Variants in ONECUT2 observed in about 807,000 individuals in gnomAD.
ONECUT2 encodes the protein one cut domain family member 2.
In ONECUT2, 10 loss-of-function variants were observed where a neutral mutation model predicts 27.9. The observed-to-expected ratio is 0.36, with a 90% CI of 0.22 to 0.61. ONECUT2 has a LOEUF of 0.61. Ranked by LOEUF, ONECUT2 falls within the 20% of genes least tolerant of loss-of-function variation. ONECUT2 has a pLI of 0.73. For missense variants in ONECUT2, 686 were observed against 721.0 expected (o/e 0.95, Z 0.56); for synonymous variants, 334 against 315.1 (o/e 1.06, Z -0.64).
intron 1 of ONECUT2, among the ~76,000 whole-genome samples, chr18:57,439,357 G>A (rs1463672351): frequency 6.6e-6 from 1 of 152,230 alleles, no homozygotes; most frequent in Non-Finnish European, 1.5e-5. Context: ...GCCTCCTCCA[G>A]CGAGTGGAAA....
In ONECUT2 at chr18:57,484,873, G is replaced by C. The variant is rs2050431289; in HGVS notation, c.*8150G>C. 1 of 152,198 alleles carries C rather than the reference G, an allele frequency of 6.6e-6. No individual in the cohort carries two copies. Among genetic ancestry groups the C allele is most frequent in the African/African-American group, 2.4e-5 (1 of 41,442 alleles). 9.4% of individuals were successfully genotyped at this position (152,198 alleles called of 1,614,324 possible). A position where few individuals can be genotyped will look rare whatever the true frequency, so the allele number is the denominator to read the frequency against. On this transcript the variant is annotated 3_prime_UTR_variant, in exon 2 of 2. Coordinates refer to ENST00000491143, the MANE Select transcript of ONECUT2 (RefSeq NM_004852.3). ...GAGAGCGGTCCCACATTGACAAATA[G>C]GATGGTGGCAATCCTTTAGCAATGA...
intron 1 of ONECUT2, among the ~76,000 whole-genome samples, chr18:57,463,287 T>C (rs1226530193): frequency 6.6e-6 from 1 of 152,220 alleles, no homozygotes; most frequent in Non-Finnish European, 1.5e-5. Context: ...CCTTTTCCAC[T>C]GGTCTGGAGT....
intron 1 of ONECUT2, among the ~76,000 whole-genome samples, chr18:57,465,827 T>G (rs1161443107): frequency 6.6e-6 from 1 of 152,242 alleles, no homozygotes; most frequent in Non-Finnish European, 1.5e-5. Flanking sequence ...AGCCCTATAC[T>G]AAATCGCCAG....
intron 1 of ONECUT2, among the ~76,000 whole-genome samples, chr18:57,476,151 A>G (rs1264937096): frequency 6.6e-6 from 1 of 152,192 alleles, no homozygotes; most frequent in Non-Finnish European, 1.5e-5. Flanking sequence ...TTTCAAGGAT[A>G]TGCTAGAGCA....
chr18:57,460,953 G>T (rs1188641273), intron 1 of ONECUT2, among the ~76,000 whole-genome samples: 2 of 152,028 alleles, frequency 1.3e-5, no homozygotes, highest in Non-Finnish European at 2.9e-5. Context: ...AGCCTCCCTG[G>T]CATTATGGCG....
At chr18:57,467,898 C>T (rs74595329) in intron 1 of ONECUT2, among the ~76,000 whole-genome samples, 1 of 152,330 alleles carries the variant, frequency 6.6e-6, no homozygotes, top group East Asian at 1.9e-4. Flanking sequence ...ATGGCCCCTC[C>T]TGCCTTCTTG....
At position 57,435,597 on chromosome 18, in the gene ONECUT2, C is replaced by G. The variant is rs2050133619; in HGVS notation, c.-120C>G. The G allele has an allele frequency of 1.2e-6, 1 of 863,174 alleles. No homozygotes were observed. Among genetic ancestry groups the G allele is most frequent in the Non-Finnish European group, 1.4e-6 (1 of 719,442 alleles). 53.5% of individuals were successfully genotyped at this position (863,174 alleles called of 1,614,324 possible). ...CCCGGGGCGCACACCCGCACGCGCA[C>G]TCCTCTCCACTCACTCCCGCGCCCG... On this transcript the variant is annotated 5_prime_UTR_variant, in exon 1 of 2. Coordinates refer to ENST00000491143, the MANE Select transcript of ONECUT2 (RefSeq NM_004852.3).
At chr18:57,467,427 G>A (rs185165051) in intron 1 of ONECUT2, among the ~76,000 whole-genome samples, 220 of 152,106 alleles carry the variant, frequency 1.4e-3, no homozygotes, top group Non-Finnish European at 2.5e-3. Flanking sequence ...GCGCAATGGC[G>A]TGATCTTGGC....
Position 57,482,455 on chromosome 18 carries a change from C to T in ONECUT2, c.*5732C>T, listed in dbSNP as rs947261201. 6.6e-6 allele frequency: 1 copy of T among 152,188 alleles called. No individual in the cohort carries two copies. The highest frequency in any genetic ancestry group is 2.4e-5 in the African/African-American group (1 of 41,448). The allele number at this position is 152,188 out of a possible 1,614,324, so 9.4% of individuals were successfully genotyped here. On this transcript the variant is annotated 3_prime_UTR_variant, in exon 2 of 2. Coordinates refer to ENST00000491143, the MANE Select transcript of ONECUT2 (RefSeq NM_004852.3). ...CTCTGACAGCCTGAAGCAGTTATTG[C>T]TAGAGCCCAAGCTTTCCTTGGAGGT...
intron 1 of ONECUT2, among the ~76,000 whole-genome samples, chr18:57,460,676 T>C (rs2050285498): frequency 1.3e-5 from 2 of 150,594 alleles, no homozygotes; most frequent in Non-Finnish European, 2.9e-5. Flanking sequence ...CAGAGTTCTA[T>C]TCATTCAAAT....
rs1408000948 is a variant in ONECUT2, at chr18:57,436,882, G to T, written c.1166G>T (p.Arg389Leu). 1 of 1,613,382 alleles carries T rather than the reference G, an allele frequency of 6.2e-7. No homozygotes were observed. Among genetic ancestry groups the T allele is most frequent in the Non-Finnish European group, 8.5e-7 (1 of 1,179,938 alleles). The stretch of plus-strand genomic sequence containing the variant: ...CTCAAATCTGGCAGGGAGACCTTCC[G>T]CAGGATGTGGAAGTGGCTTCAGGAG... Reference protein sequence around the residue: ...SKLKSGRETFRRMWKWLQEPE... With the variant: ...SKLKSGRETFLRMWKWLQEPE... The change falls in exon 1 of 2, where the codon CGC becomes CTC. Residue 389 changes from arginine to leucine, a missense_variant. This residue lies in a region of ONECUT2 where 47 missense variants were observed against 86.0 expected (regional missense o/e 0.55). Coordinates refer to ENST00000491143, the MANE Select transcript of ONECUT2 (RefSeq NM_004852.3). This position sits in a 1 kb window ranked among gnomAD's most constrained non-coding sequence, Gnocchi z 5.9.
intron 1 of ONECUT2, among the ~76,000 whole-genome samples, chr18:57,448,456 T>C (rs867603636): frequency 1.3e-5 from 2 of 152,216 alleles, no homozygotes; most frequent in African/African-American, 2.4e-5. Context: ...TTTCTGTGTG[T>C]CTAAATGCCC....
chr18:57,437,153 C>T (rs376015490), intron 1 of ONECUT2, among the ~76,000 whole-genome samples: 2 of 151,488 alleles, frequency 1.3e-5, no homozygotes, highest in African/African-American at 4.9e-5. Flanking sequence ...TTTTCTTTTT[C>T]TTTCTTACTC....
intron 1 of ONECUT2, among the ~76,000 whole-genome samples, chr18:57,465,695 T>C (rs1381521343): frequency 6.6e-6 from 1 of 152,236 alleles, no homozygotes; most frequent in Non-Finnish European, 1.5e-5. Flanking sequence ...TTCAATTGTC[T>C]CTTTTTCCTG....
At chr18:57,446,013 C>T (rs2050198974) in intron 1 of ONECUT2, among the ~76,000 whole-genome samples, 1 of 152,246 alleles carries the variant, frequency 6.6e-6, no homozygotes, top group Non-Finnish European at 1.5e-5. Context: ...TCAATTGGAG[C>T]TCCCTGCAAA....
At chr18:57,462,014 A>T (rs2050294667) in intron 1 of ONECUT2, among the ~76,000 whole-genome samples, 1 of 152,236 alleles carries the variant, frequency 6.6e-6, no homozygotes, top group Non-Finnish European at 1.5e-5. Context: ...ACAGTCTTCC[A>T]ATCTGTTGTC....
rs966969199 is a variant in ONECUT2, at chr18:57,486,736, G to A, written c.*10013G>A. 1 of 152,636 alleles carries A rather than the reference G, an allele frequency of 6.6e-6. No homozygotes were observed. The highest frequency in any genetic ancestry group is 6.5e-5 in the Admixed American group (1 of 15,280). 9.5% of individuals were successfully genotyped at this position (152,636 alleles called of 1,614,324 possible). A position where few individuals can be genotyped will look rare whatever the true frequency, so the allele number is the denominator to read the frequency against. ...TGGATTTTATTTATGCTGGATTGGG[G>A]AAAGTTGCAGAATGAGCCCAAAGTT... is the stretch of plus-strand genomic sequence containing the variant. On this transcript the variant is annotated 3_prime_UTR_variant, in exon 2 of 2. Coordinates refer to ENST00000491143, the MANE Select transcript of ONECUT2 (RefSeq NM_004852.3).
In ONECUT2 at chr18:57,436,794, G is replaced by T; in HGVS notation, c.1078G>T (p.Val360Leu). The T allele has an allele frequency of 6.2e-7, 1 of 1,614,074 alleles. No homozygotes were observed. Among genetic ancestry groups the T allele is most frequent in the Non-Finnish European group, 8.5e-7 (1 of 1,180,046 alleles). The change falls in exon 1 of 2, where the codon GTG becomes TTG. Residue 360 changes from valine to leucine, a missense_variant. Transcript: ENST00000491143. This position sits in a 1 kb window ranked among gnomAD's most constrained non-coding sequence, Gnocchi z 5.9. ...CCCCCAGGCGATCTTTGCGCAGAGG[G>T]TGCTGTGCCGGTCTCAGGGGACTCT... ...SIPQAIFAQRVLCRSQGTLSD... is the reference protein window; with the variant it reads ...SIPQAIFAQRLLCRSQGTLSD...
At chr18:57,471,256 G>T (rs920265113) in intron 1 of ONECUT2, among the ~76,000 whole-genome samples, 15 of 152,202 alleles carry the variant, frequency 9.9e-5, no homozygotes, top group African/African-American at 3.6e-4. Flanking sequence ...GGGCCGGTTA[G>T]TCTGGGTGTC....
Sources: gnomAD v4.1 joint callset for allele counts (sites outside exome capture counted in the v4.1 genomes callset) on GRCh38, gnomAD v4.1.1 for gene constraint, gnomAD v4.1.1 regional missense constraint, Gnocchi (gnomAD v3.1) non-coding constraint, MANE v1.5 for transcripts, NCBI Gene and HGNC (gene_info 2026-07-23, HGNC 2026-07-21) for gene names.